Variants in TMBIM1 observed in about 807,000 individuals in gnomAD.
TMBIM1 encodes transmembrane BAX inhibitor motif containing 1, also known as protein lifeguard 3.
Under a neutral mutation model 45.1 loss-of-function variants are expected in TMBIM1, and 34 were observed. That is an observed-to-expected ratio of 0.75 (90% CI 0.57 to 1.00). TMBIM1 has a LOEUF of 1.00. Ranked by LOEUF, TMBIM1 falls within the 50% of genes least tolerant of loss-of-function variation. The pLI is 0.00. For missense variants in TMBIM1, 374 were observed against 402.4 expected (o/e 0.93, Z 0.60); for synonymous variants, 157 against 153.5 (o/e 1.02, Z -0.17).
At chr2:218,281,130 T>TTTGTTTTG (rs1691911421) in intron 2 of TMBIM1, 1 of 117,356 alleles carries the variant, frequency 8.5e-6, no homozygotes, top group East Asian at 2.6e-4. Flanking sequence ...TTGTTTTTTG[T>TTTGTTTTG]TTTTTTTTTG....
At chr2:218,279,552 T>A (rs1030469334) in intron 3 of TMBIM1, 199 bp from the exon 4 acceptor site, 43 of 531,778 alleles carry the variant, frequency 8.1e-5, no homozygotes, top group Non-Finnish European at 9.9e-6. Flanking sequence ...CCCTGCCATC[T>A]CCCCTCCTGT....
chr2:218,282,059 T>A lies in TMBIM1; in HGVS notation c.83A>T (p.Gln28Leu), dbSNP rs777446555. The A allele has an allele frequency of 3.1e-6, 5 of 1,596,050 alleles. No individual in the cohort carries two copies. Among genetic ancestry groups the A allele is most frequent in the Non-Finnish European group, 4.3e-6 (5 of 1,171,624 alleles). The change falls in exon 2 of 12, where the codon CAG (glutamine) becomes CTG (leucine). Residue 28 changes from glutamine (Q) to leucine (L), a missense_variant. Coordinates refer to ENST00000258412, the MANE Select transcript of TMBIM1 (RefSeq NM_022152.6). ...PGPPPPGGYGQPSVLPGGYPA... is the reference protein window; with the variant it reads ...PGPPPPGGYGLPSVLPGGYPA... ...ATACCCTCCTGGCAGGACAGATGGC[T>A]GCCCATAGCCCCCAGGGGGCGGAGG...
chr2:218,282,162 G>A lies in TMBIM1; in HGVS notation c.-21C>T. The stretch of plus-strand genomic sequence containing the variant: ...GACATGGCTGCTCACGGGCTGAGGG[G>A]GAACCCCAGCTGCTGGGACCTGAAA... On this transcript the variant is annotated 5_prime_UTR_variant, in exon 2 of 12. Coordinates refer to ENST00000258412, the MANE Select transcript of TMBIM1 (RefSeq NM_022152.6). The A allele has an allele frequency of 6.9e-7, 1 of 1,455,892 alleles. No homozygotes were observed. The highest frequency in any genetic ancestry group is 9.1e-7 in the Non-Finnish European group (1 of 1,102,976). The allele number at this position is 1,455,892 out of a possible 1,614,324, so 90.2% of individuals were successfully genotyped here. A position where few individuals can be genotyped will look rare whatever the true frequency, so the allele number is the denominator to read the frequency against.
At chr2:218,290,278 C>T (rs1455204172) in intron 1 of TMBIM1, among the ~76,000 whole-genome samples, 2 of 152,196 alleles carry the variant, frequency 1.3e-5, no homozygotes, top group Non-Finnish European at 2.9e-5. Context: ...TTGTTTAACC[C>T]AGTGTTCCTT....
At chr2:218,281,756 G>C (rs1158710104) in intron 2 of TMBIM1, among the ~76,000 whole-genome samples, 184 bp downstream of exon 2, 1 of 152,174 alleles carries the variant, frequency 6.6e-6, no homozygotes, top group Non-Finnish European at 1.5e-5. Context: ...AGTGGCTGGG[G>C]GCCAGTTGCT....
intron 2 of TMBIM1, among the ~76,000 whole-genome samples, chr2:218,281,493 G>A (rs1691988398): frequency 6.6e-6 from 1 of 152,212 alleles, no homozygotes; most frequent in South Asian, 2.1e-4. Flanking sequence ...TACCAAACTT[G>A]GCTCCAAATG....
At position 218,277,933 on chromosome 2, in the gene TMBIM1, A is replaced by T. The variant is rs200464435; in HGVS notation, c.513+2T>A. 33 of 1,613,974 alleles carry T rather than the reference A, an allele frequency of 2.0e-5. No homozygotes were observed. In the Admixed American group the frequency reaches 2.8e-4, roughly 14 times the overall value. ...ACCCTCCTGCCACCCTTCTAGACTT[A>T]CAAAAAGGGTCAGCAGAATGATGTT... On this transcript the variant is annotated splice_donor_variant, in intron 7 of 11. Coordinates refer to ENST00000258412, the MANE Select transcript of TMBIM1 (RefSeq NM_022152.6). LOFTEE classifies it high-confidence loss of function.
At chr2:218,281,131 T>TTTTTTTTTTTTGGG (rs1553658828) in intron 2 of TMBIM1, 8 of 30,302 alleles carry the variant, frequency 2.6e-4, no homozygotes, top group African/African-American at 1.7e-3. Flanking sequence ...TGTTTTTTGT[T>TTTTTTTTTTTTGGG]TTTTTTTTGG....
Position 218,281,956 on chromosome 2 carries a change from C to T in TMBIM1, c.186G>A (p.Pro62=), listed in dbSNP as rs369968603. The T allele has an allele frequency of 2.6e-5, 41 of 1,598,562 alleles. No homozygotes were observed. Among genetic ancestry groups the T allele is most frequent in the Admixed American group, 3.4e-5 (2 of 58,288 alleles). The change falls in exon 2 of 12, where the codon CCG becomes CCA. Residue 62 remains proline (P), a synonymous_variant. Coordinates refer to ENST00000258412, the MANE Select transcript of TMBIM1 (RefSeq NM_022152.6). The stretch of plus-strand genomic sequence containing the variant: ...AGGACTCACCGTAGTTCATGGGCAT[C>T]GGGTGGGTGGGGGGCATGGGCTGTG... The part of the protein sequence containing the change: ...GYPQPMPPTH[P]MPMNYGPGHG...
intron 1 of TMBIM1, among the ~76,000 whole-genome samples, chr2:218,289,213 G>A (rs764831395): frequency 1.5e-4 from 23 of 150,528 alleles, no homozygotes; most frequent in Non-Finnish European, 3.0e-4. Context: ...TTTCCCCTGC[G>A]GAAAGTTGAT....
intron 1 of TMBIM1, among the ~76,000 whole-genome samples, chr2:218,289,111 G>C (rs948638888): frequency 7.2e-5 from 11 of 152,238 alleles, no homozygotes; most frequent in Admixed American, 3.3e-4. Flanking sequence ...GCACCTGCGT[G>C]AATAGGCAGC....
chr2:218,282,608 C>T (rs1692133477), intron 1 of TMBIM1, among the ~76,000 whole-genome samples: 1 of 152,238 alleles, frequency 6.6e-6, no homozygotes, highest in Non-Finnish European at 1.5e-5. Flanking sequence ...CTGAAAGGGT[C>T]AGCTCTGCCC....
chr2:218,286,060 G>A (rs951246698), intron 1 of TMBIM1: 2 of 154,754 alleles, frequency 1.3e-5, no homozygotes, highest in African/African-American at 4.8e-5. Context: ...TCACGAGACT[G>A]ACACAGAGTG....
chr2:218,289,427 A>G (rs1483231393), intron 1 of TMBIM1, among the ~76,000 whole-genome samples: 2 of 152,108 alleles, frequency 1.3e-5, no homozygotes, highest in African/African-American at 2.4e-5. Context: ...GGATCACTTG[A>G]GGTCAGGTGT....
Position 218,282,222 on chromosome 2 carries a change from C to G in TMBIM1, c.-40-41G>C, listed in dbSNP as rs1036669723. 5 of 1,202,204 alleles carry G rather than the reference C, an allele frequency of 4.2e-6. No homozygotes were observed. The African/African-American group carries it at 7.9e-5, about 19-fold the overall frequency. The allele number at this position is 1,202,204 out of a possible 1,614,324, so 74.5% of individuals were successfully genotyped here. Reference sequence around the variant, plus strand: ...AGAAAAGCAATCGTGAATGCCCAGGCCCAGCTCACTCAGCCTCATGGGCCC... The same window carrying G: ...AGAAAAGCAATCGTGAATGCCCAGGGCCAGCTCACTCAGCCTCATGGGCCC... On this transcript the variant is annotated intron_variant, in intron 1 of 11. Transcript: ENST00000258412.
chr2:218,282,060 G>A lies in TMBIM1; in HGVS notation c.82C>T (p.Gln28Ter), dbSNP rs541726708. The change falls in exon 2 of 12, where the codon CAG (glutamine) becomes TAG (stop). Residue 28 changes from glutamine (Q) to a stop codon, truncating the protein, a stop_gained. Transcript: ENST00000258412. LOFTEE classifies it high-confidence loss of function. ...PGPPPPGGYGQPSVLPGGYPA... is the reference protein window; with the variant it reads ...PGPPPPGGYG Reference sequence around the variant, plus strand: ...TACCCTCCTGGCAGGACAGATGGCTGCCCATAGCCCCCAGGGGGCGGAGGG... The same window carrying A: ...TACCCTCCTGGCAGGACAGATGGCTACCCATAGCCCCCAGGGGGCGGAGGG... 5 of 1,592,304 alleles carry A rather than the reference G, an allele frequency of 3.1e-6. No individual in the cohort carries two copies. The African/African-American group carries it at 5.4e-5, about 17-fold the overall frequency.
chr2:218,280,393 T>TGGG, intron 2 of TMBIM1: 1 of 400,244 alleles, frequency 2.5e-6, no homozygotes, highest in Non-Finnish European at 4.6e-6. Context: ...GGGGGTTCAC[T>TGGG]GGGGGGTCAC....
In TMBIM1 at chr2:218,279,297, G is replaced by C; in HGVS notation, c.360C>G (p.Phe120Leu). 6.3e-7 allele frequency: 1 copy of C among 1,585,126 alleles called. No homozygotes were observed. Among genetic ancestry groups the C allele is most frequent in the Non-Finnish European group, 8.6e-7 (1 of 1,165,688 alleles). ...AAAGCCTAGAGACTTACACAAAGGT[G>C]AAGATAGCAATGATGGCCACAGTGA... ...LLITVAIIAI[F>L]TFVEPVSAFV... Residue 120 changes from phenylalanine to leucine, a missense_variant, in exon 4 of 12, where the codon TTC (phenylalanine) becomes TTG (leucine). Coordinates refer to ENST00000258412, the MANE Select transcript of TMBIM1 (RefSeq NM_022152.6).
At chr2:218,280,857 G>A (rs1691859575) in intron 2 of TMBIM1, 4 of 130,640 alleles carry the variant, frequency 3.1e-5, no homozygotes. Flanking sequence ...TGTTGCCCAA[G>A]CTGGAGTGCA....
Sources: gnomAD v4.1 joint callset for allele counts (sites outside exome capture counted in the v4.1 genomes callset) on GRCh38, gnomAD v4.1.1 for gene constraint, MANE v1.5 for transcripts, NCBI Gene and HGNC (gene_info 2026-07-23, HGNC 2026-07-21) for gene names.